NKAIN2: variants seen among roughly 807,000 people sequenced by gnomAD.
NKAIN2 encodes sodium/potassium-transporting ATPase subunit beta-1-interacting protein 2.
NKAIN2 carries 14 observed loss-of-function variants against 32.6 expected under a neutral mutation model. The observed-to-expected ratio is 0.43, with a 90% CI of 0.28 to 0.67. NKAIN2 has a LOEUF of 0.67. NKAIN2 is among the 30% of genes least tolerant of loss of function. NKAIN2 has a pLI of 0.17. For synonymous variants in NKAIN2, 80 were observed against 87.2 expected (o/e 0.92, Z 0.46); for missense variants, 198 against 258.3 (o/e 0.77, Z 1.60).
chr6:124,162,586 TA>T (rs1390459677), intron 1 of NKAIN2, among the ~76,000 whole-genome samples: 2 of 152,098 alleles, frequency 1.3e-5, no homozygotes, highest in Non-Finnish European at 2.9e-5. Context: ...CCAGAATGTT[TA>T]TGGAATTTGG....
intron 3 of NKAIN2, among the ~76,000 whole-genome samples, chr6:124,554,475 G>A (rs1384345003): frequency 6.6e-6 from 1 of 152,238 alleles, no homozygotes; most frequent in Non-Finnish European, 1.5e-5. Context: ...TAGCCTGGCT[G>A]CGTGCAGCAG....
chr6:124,593,384 C>T (rs1225199065), intron 3 of NKAIN2, among the ~76,000 whole-genome samples: 2 of 152,086 alleles, frequency 1.3e-5, no homozygotes, highest in Admixed American at 6.6e-5. Flanking sequence ...ATGCATATAT[C>T]CTAATTCTTA....
intron 1 of NKAIN2, among the ~76,000 whole-genome samples, chr6:124,034,748 G>C (rs994291209): frequency 6.6e-6 from 1 of 152,006 alleles, no homozygotes; most frequent in African/African-American, 2.4e-5. Flanking sequence ...CAGTGTAAAA[G>C]TGCCCCATTT....
At chr6:124,401,482 A>C (rs1773623740) in intron 3 of NKAIN2, among the ~76,000 whole-genome samples, 1 of 152,152 alleles carries the variant, frequency 6.6e-6, no homozygotes, top group Admixed American at 6.5e-5. Flanking sequence ...AGCAGAGTTG[A>C]ATACTTGTGA....
intron 1 of NKAIN2, among the ~76,000 whole-genome samples, chr6:124,132,479 C>T (rs1786528668): frequency 6.6e-6 from 1 of 152,252 alleles, no homozygotes; most frequent in African/African-American, 2.4e-5. Flanking sequence ...AAAGAACCAC[C>T]TCATGGCTGG....
intron 3 of NKAIN2, among the ~76,000 whole-genome samples, chr6:124,444,651 A>G (rs1171711370): frequency 6.6e-6 from 1 of 152,020 alleles, no homozygotes; most frequent in African/African-American, 2.4e-5. Flanking sequence ...TTAGGCTTTT[A>G]TTCTGTGTGA....
chr6:124,343,923 T>C (rs1296374408), intron 2 of NKAIN2, among the ~76,000 whole-genome samples: 2 of 144,296 alleles, frequency 1.4e-5, no homozygotes, highest in East Asian at 4.3e-4. Flanking sequence ...ATGTCCTGAA[T>C]GGTATTGCCT....
rs151293052 is a variant in NKAIN2, at chr6:124,483,368, T to A, written c.273+128021T>A. 5.3e-3 allele frequency among the ~76,000 whole-genome samples: 801 copies of A among 152,200 alleles called. 8 individuals carry two copies. The highest frequency in any genetic ancestry group is 0.017 in the African/African-American group (714 of 41,532). ...ATAATCACATCCAAAAATATGGGGATTGAGTCACAAAATAGGAATTTCAGA... is the reference window on the plus strand; with the variant it reads ...ATAATCACATCCAAAAATATGGGGAATGAGTCACAAAATAGGAATTTCAGA... On this transcript the variant is annotated intron_variant, in intron 3 of 6. Transcript: ENST00000368417.
intron 1 of NKAIN2, among the ~76,000 whole-genome samples, chr6:124,028,812 C>T (rs540514234): frequency 2.9e-5 from 4 of 139,416 alleles, no homozygotes; most frequent in Non-Finnish European, 1.5e-5. Flanking sequence ...CGTATATATA[C>T]GTATATGTGT....
At chr6:124,327,183 AT>A (rs1317666382) in intron 2 of NKAIN2, among the ~76,000 whole-genome samples, 5 of 151,798 alleles carry the variant, frequency 3.3e-5, no homozygotes, top group Non-Finnish European at 7.4e-5. Flanking sequence ...CTGGAAACAT[AT>A]TTTTCTTTTC....
chr6:124,658,545 A>G, intron 4 of NKAIN2, 159 bp downstream of exon 4: 1 of 1,461,272 alleles, frequency 6.8e-7, no homozygotes, highest in Non-Finnish European at 9.1e-7. Context: ...GGTTAAACTA[A>G]ACCATCCTCT....
intron 1 of NKAIN2, among the ~76,000 whole-genome samples, chr6:124,028,770 T>C (rs1781244442): frequency 6.8e-6 from 1 of 146,526 alleles, no homozygotes; most frequent in South Asian, 2.1e-4. Flanking sequence ...TATATAAGTG[T>C]ATATACATAT....
chr6:124,189,959 G>A (rs1169310595), intron 1 of NKAIN2, among the ~76,000 whole-genome samples: 1 of 152,156 alleles, frequency 6.6e-6, no homozygotes, highest in African/African-American at 2.4e-5. Context: ...ATTCCTTTTA[G>A]TGAAAACAAT....
intron 1 of NKAIN2, among the ~76,000 whole-genome samples, chr6:124,240,144 G>C (rs1278629699): frequency 6.6e-6 from 1 of 152,140 alleles, no homozygotes; most frequent in Non-Finnish European, 1.5e-5. Flanking sequence ...AGAAAATCTA[G>C]AAGAAATGGA....
At chr6:124,361,813 A>G (rs977147580) in intron 3 of NKAIN2, among the ~76,000 whole-genome samples, 1 of 152,114 alleles carries the variant, frequency 6.6e-6, no homozygotes, top group Non-Finnish European at 1.5e-5. Flanking sequence ...ACAAATCCTT[A>G]AAACCAGATG....
At position 124,695,568 on chromosome 6, in the gene NKAIN2, C is replaced by T. The variant is rs546835094; in HGVS notation, c.474+37182C>T. Among the ~76,000 whole-genome samples the T allele has an allele frequency of 5.3e-5, 8 of 152,280 alleles. No individual in the cohort carries two copies. In the East Asian group the frequency reaches 1.3e-3, roughly 26 times the overall value. ...ATATTGATAACAGTAGCCTGAGTAACCAAATTTTAAGCCATGTCTATTTTA... is the reference window on the plus strand; with the variant it reads ...ATATTGATAACAGTAGCCTGAGTAATCAAATTTTAAGCCATGTCTATTTTA... On this transcript the variant is annotated intron_variant, in intron 4 of 6. Transcript: ENST00000368417.
intron 3 of NKAIN2, among the ~76,000 whole-genome samples, chr6:124,566,764 G>GAGT (rs1301128745): frequency 6.6e-6 from 1 of 152,036 alleles, no homozygotes; most frequent in African/African-American, 2.4e-5. Context: ...CTCCTAGGGT[G>GAGT]ACATAATTGA....
chr6:124,702,937 T>G (rs1055472603), intron 4 of NKAIN2, among the ~76,000 whole-genome samples: 18 of 152,120 alleles, frequency 1.2e-4, no homozygotes, highest in African/African-American at 3.6e-4. Context: ...CACTGCTTTA[T>G]TCACATGATA....
At chr6:124,148,543 T>TA (rs1284103771) in intron 1 of NKAIN2, among the ~76,000 whole-genome samples, 2 of 152,126 alleles carry the variant, frequency 1.3e-5, no homozygotes, top group Non-Finnish European at 2.9e-5. Context: ...TTTTTCTTCT[T>TA]AAAAAAACTG....
Sources: gnomAD v4.1 joint callset for allele counts (sites outside exome capture counted in the v4.1 genomes callset) on GRCh38, gnomAD v4.1.1 for gene constraint, MANE v1.5 for transcripts, NCBI Gene and HGNC (gene_info 2026-07-23, HGNC 2026-07-21) for gene names.